TCERG1L: variants seen among roughly 807,000 people sequenced by gnomAD.
TCERG1L encodes transcription elongation regulator 1-like protein.
Under a neutral mutation model 56.3 loss-of-function variants are expected in TCERG1L, and 37 were observed. That is an observed-to-expected ratio of 0.66 (90% confidence interval 0.51 to 0.87). The LOEUF is 0.87. Ranked by LOEUF, TCERG1L falls within the 40% of genes least tolerant of loss-of-function variation. TCERG1L has a pLI of 0.00. For synonymous variants in TCERG1L, 324 were observed against 326.3 expected (o/e 0.99, Z 0.08); for missense variants, 799 against 774.2 (o/e 1.03, Z -0.38).
chr10:131,243,436 C>G (rs1845994522), intron 4 of TCERG1L, among the ~76,000 whole-genome samples: 1 of 152,106 alleles, frequency 6.6e-6, no homozygotes, highest in Non-Finnish European at 1.5e-5. Context: ...CAGAAATTAG[C>G]TCGGTGTAGT....
chr10:131,184,485 T>C (rs887500814), intron 4 of TCERG1L, among the ~76,000 whole-genome samples: 1 of 152,126 alleles, frequency 6.6e-6, no homozygotes, highest in Non-Finnish European at 1.5e-5. Flanking sequence ...AGCAAATAAA[T>C]TTGAAACTGC....
chr10:131,136,643 C>T (rs910910221), intron 7 of TCERG1L, among the ~76,000 whole-genome samples: 1 of 152,036 alleles, frequency 6.6e-6, no homozygotes, highest in African/African-American at 2.4e-5. Flanking sequence ...TCACAGGCAC[C>T]CGCCACCACA....
At chr10:131,299,041 TATTAG>T (rs1846729262) in intron 3 of TCERG1L, among the ~76,000 whole-genome samples, 1 of 152,232 alleles carries the variant, frequency 6.6e-6, no homozygotes, top group Admixed American at 6.5e-5. Context: ...TATTAGGTTT[TATTAG>T]ATTAAATGTA....
intron 1 of TCERG1L, among the ~76,000 whole-genome samples, chr10:131,309,572 G>A (rs921325218): frequency 1.8e-4 from 28 of 152,196 alleles, no homozygotes; most frequent in Admixed American, 1.5e-3. Context: ...CAAGCACGCA[G>A]TAAGAAATGG....
At chr10:131,211,500 G>A (rs1329429985) in intron 4 of TCERG1L, among the ~76,000 whole-genome samples, 2 of 152,302 alleles carry the variant, frequency 1.3e-5, no homozygotes, top group African/African-American at 4.8e-5. Context: ...GTTACACCAC[G>A]AGAAGTAATG....
At chr10:131,182,384 C>T (rs970513214) in intron 4 of TCERG1L, among the ~76,000 whole-genome samples, 22 of 152,258 alleles carry the variant, frequency 1.4e-4, no homozygotes, top group Admixed American at 1.4e-3. Flanking sequence ...GAGCTAGCAC[C>T]GGGAGGGCAT....
rs1002127081 is a variant in TCERG1L, at chr10:131,260,395, G to A, written c.720C>T (p.Ile240=). Residue 240 remains isoleucine, a synonymous_variant, in exon 4 of 12, where the codon ATC becomes ATT. Coordinates refer to ENST00000368642, the MANE Select transcript of TCERG1L (RefSeq NM_174937.4). The surrounding 1 kb of genome is among the most constrained non-coding windows in gnomAD (Gnocchi z 5.8). The part of the protein sequence containing the change: ...LKVTSSPAIA[I]ATAAAAAMVS... ...CCATGGCAGCGGCGGCGGCGGTGGC[G>A]ATGGCAATGGCGGGGCTGCTGGTCA... 8.8e-6 allele frequency: 13 copies of A among 1,480,600 alleles called. No homozygotes were observed. In the African/African-American group the frequency reaches 1.0e-4, roughly 12 times the overall value. 91.7% of individuals were successfully genotyped at this position (1,480,600 alleles called of 1,614,324 possible). A position where few individuals can be genotyped will look rare whatever the true frequency, so the allele number is the denominator to read the frequency against.
At chr10:131,172,691 A>G (rs1387854352) in intron 4 of TCERG1L, among the ~76,000 whole-genome samples, 2 of 152,192 alleles carry the variant, frequency 1.3e-5, no homozygotes, top group Non-Finnish European at 2.9e-5. Flanking sequence ...AGTCGCCTCC[A>G]TTCTTGGGGA....
intron 7 of TCERG1L, 113 bp downstream of exon 7, chr10:131,146,393 T>G: frequency 8.0e-7 from 1 of 1,245,188 alleles, no homozygotes; most frequent in South Asian, 2.1e-5. Context: ...CAGGATTCCT[T>G]AATAGTCAAT....
intron 4 of TCERG1L, 116 bp from the exon 5 acceptor site, chr10:131,167,001 GC>G (rs1182969604): frequency 4.9e-6 from 4 of 822,512 alleles, no homozygotes; most frequent in Middle Eastern, 2.3e-4. Context: ...TAGACACTGT[GC>G]ATTCCACAGA....
intron 4 of TCERG1L, among the ~76,000 whole-genome samples, chr10:131,246,225 G>C (rs1036928036): frequency 3.9e-5 from 6 of 152,214 alleles, no homozygotes; most frequent in African/African-American, 9.6e-5. Flanking sequence ...GCTGCACTCA[G>C]TGAGGCTTTC....
rs371715886 is a variant in TCERG1L at position 131,270,252 on chromosome 10, G to A, written c.671-9808C>T. On this transcript the variant is annotated intron_variant, in intron 3 of 11. Transcript: ENST00000368642. ...CCTGAGGATACAAGCCAGGAAGGGC[G>A]CAAAGCCAGCCAGAGCCTGGGGACG... Among the ~76,000 whole-genome samples the A allele has an allele frequency of 3.3e-5, 5 of 152,208 alleles. No homozygotes were observed. In the East Asian group the frequency reaches 5.8e-4, roughly 18 times the overall value.
At chr10:131,245,511 C>T (rs1846022467) in intron 4 of TCERG1L, among the ~76,000 whole-genome samples, 1 of 152,194 alleles carries the variant, frequency 6.6e-6, no homozygotes. Flanking sequence ...CAGCCTTCTG[C>T]ATTTCCACCC....
Position 131,129,396 on chromosome 10 carries a change from C to T in TCERG1L, c.1259+4983G>A, listed in dbSNP as rs117713234. 8.9e-3 allele frequency among the ~76,000 whole-genome samples: 1,349 copies of T among 152,318 alleles called. 7 individuals are homozygous for T. Among genetic ancestry groups the T allele is most frequent in the Non-Finnish European group, 0.014 (951 of 68,038 alleles). Reference sequence around the variant, plus strand: ...TTTATATGATGTCGGGGGTTTGTTTCAGACTAATCTAGAGGGGCACTGACC... The same window carrying T: ...TTTATATGATGTCGGGGGTTTGTTTTAGACTAATCTAGAGGGGCACTGACC... On this transcript the variant is annotated intron_variant, in intron 8 of 11. Transcript: ENST00000368642.
intron 8 of TCERG1L, among the ~76,000 whole-genome samples, chr10:131,120,988 C>T (rs1845506795): frequency 6.6e-6 from 1 of 152,222 alleles, no homozygotes; most frequent in Non-Finnish European, 1.5e-5. Context: ...ACATGCGAAG[C>T]CTCAGCTGCC....
At chr10:131,307,957 A>G (rs1043548853) in intron 3 of TCERG1L, among the ~76,000 whole-genome samples, 3 of 152,176 alleles carry the variant, frequency 2.0e-5, no homozygotes, top group African/African-American at 7.2e-5. Flanking sequence ...GAGCACTGCA[A>G]ATACAATTCT....
At chr10:131,160,369 C>T (rs1422724948) in intron 6 of TCERG1L, among the ~76,000 whole-genome samples, 1 of 152,144 alleles carries the variant, frequency 6.6e-6, no homozygotes, top group African/African-American at 2.4e-5. Flanking sequence ...CTCCCAGGCC[C>T]AAGCCCTCAC....
At chr10:131,189,604 CAT>C (rs1364974447) in intron 4 of TCERG1L, among the ~76,000 whole-genome samples, 1 of 152,072 alleles carries the variant, frequency 6.6e-6, no homozygotes, top group African/African-American at 2.4e-5. Context: ...AGGTTGATTC[CAT>C]ATCTTTGTTA....
intron 3 of TCERG1L, among the ~76,000 whole-genome samples, chr10:131,278,075 C>T (rs1025884850): frequency 9.9e-5 from 15 of 151,898 alleles, no homozygotes; most frequent in Admixed American, 7.9e-4. Context: ...CAGGGGCTCC[C>T]GGCTCCTGCC....
Sources: allele counts gnomAD v4.1 joint callset (sites outside exome capture counted in the v4.1 genomes callset), GRCh38; gene constraint gnomAD v4.1.1; non-coding constraint Gnocchi (gnomAD v3.1); transcripts MANE v1.5; gene names NCBI Gene and HGNC (gene_info 2026-07-23, HGNC 2026-07-21).